Variants in TMPRSS7 observed in about 807,000 individuals in gnomAD.
The protein encoded by TMPRSS7 is transmembrane protease serine 7.
TMPRSS7 carries 81 observed loss-of-function variants against 95.6 expected under a neutral mutation model. The observed-to-expected ratio is 0.85, with a 90% confidence interval of 0.71 to 1.02. TMPRSS7 has a LOEUF of 1.02. TMPRSS7 is among the 50% of genes least tolerant of loss of function. TMPRSS7 has a pLI of 0.00. For missense variants in TMPRSS7, 945 were observed against 955.2 expected, an observed-to-expected ratio of 0.99 and a Z score of 0.14; for synonymous variants, 364 against 337.8, an observed-to-expected ratio of 1.08 and a Z score of -0.85.
chr3:112,037,126 A>T (rs1287600263), intron 1 of TMPRSS7, among the ~76,000 whole-genome samples: 1 of 152,238 alleles, frequency 6.6e-6, no homozygotes, highest in African/African-American at 2.4e-5. Flanking sequence ...GGATAACAGC[A>T]ATGTTCAGGG....
intron 13 of TMPRSS7, among the ~76,000 whole-genome samples, chr3:112,068,107 T>C (rs2073598308): frequency 6.6e-6 from 1 of 152,238 alleles, no homozygotes; most frequent in African/African-American, 2.4e-5. Flanking sequence ...CTTGTTTTTG[T>C]CAGGTTTGTC....
chr3:112,057,030 T>A, exon 10 of TMPRSS7: 2 of 1,601,028 alleles, frequency 1.2e-6, no homozygotes, highest in Middle Eastern at 3.3e-4. Flanking sequence ...CACAGACTTC[T>A]CTATCAACTC....
In TMPRSS7 at chr3:112,047,901, A is replaced by C. The variant is rs759734398; in HGVS notation, c.893A>C (p.Asn298Thr). The change falls in exon 7 of 18, where the codon AAC becomes ACC. Residue 298 changes from asparagine (N) to threonine (T), a missense_variant. Coordinates refer to ENST00000452346, the Ensembl canonical transcript of TMPRSS7. ...AAGTCCATCCAAATCGAAGCCGACA[A>C]CTGTGTCACTGACTCCCTGACCATT... 1.9e-6 allele frequency: 3 copies of C among 1,613,968 alleles called. No homozygotes were observed. The Admixed American group carries it at 5.0e-5, about 27-fold the overall frequency.
chr3:112,075,348 A>G, exon 15 of TMPRSS7: 1 of 1,445,908 alleles, frequency 6.9e-7, no homozygotes, highest in South Asian at 1.6e-5. Context: ...TCCGCCCTTC[A>G]CCGCATCATC....
intron 12 of TMPRSS7, among the ~76,000 whole-genome samples, chr3:112,063,916 A>G (rs980191079): frequency 4.6e-5 from 7 of 152,106 alleles, no homozygotes; most frequent in Admixed American, 2.0e-4. Context: ...TCTACTTTTG[A>G]TGGCTCTTTT....
intron 17 of TMPRSS7, 42 bp downstream of exon 17, chr3:112,078,920 T>C: frequency 6.2e-7 from 1 of 1,602,274 alleles, no homozygotes. Flanking sequence ...TGTTGTGCTT[T>C]CCATAAATGC....
intron 14 of TMPRSS7, 114 bp downstream of exon 14, chr3:112,074,526 A>G (rs1322462049): frequency 1.4e-6 from 1 of 697,120 alleles, no homozygotes; most frequent in Non-Finnish European, 2.4e-6. Context: ...CCATAGCCAA[A>G]ACAAGAATAG....
rs1406202542 is a variant in TMPRSS7 at position 112,034,969 on chromosome 3, T to A, written c.48+76T>A. 5.8e-5 allele frequency: 40 copies of A among 695,568 alleles called. No individual in the cohort carries two copies. In the Admixed American group the frequency reaches 8.1e-4, roughly 14 times the overall value. 43.1% of individuals were successfully genotyped at this position (695,568 alleles called of 1,614,324 possible). On this transcript the variant is annotated intron_variant, in intron 1 of 17. Coordinates refer to ENST00000452346, the Ensembl canonical transcript of TMPRSS7. Reference sequence around the variant, plus strand: ...ACCCTGTTAGTAAAATGAGATTGTATGACCTTATAAACATAAAGGAAACAA... The same window carrying A: ...ACCCTGTTAGTAAAATGAGATTGTAAGACCTTATAAACATAAAGGAAACAA...
At chr3:112,060,974 A>G (rs1317409071) in intron 10 of TMPRSS7, among the ~76,000 whole-genome samples, 1 of 152,324 alleles carries the variant, frequency 6.6e-6, no homozygotes, top group East Asian at 1.9e-4. Flanking sequence ...TTCTTCTGCC[A>G]TGGCTTCAGC....
At position 112,075,544 on chromosome 3, in the gene TMPRSS7, T is replaced by C. The variant is rs7620996; in HGVS notation, c.1955+52T>C. The C allele has an allele frequency of 8.8e-3, 11,598 of 1,317,818 alleles. 403 individuals carry two copies. In the African/African-American group the frequency reaches 0.09, roughly 10 times the overall value. 81.6% of individuals were successfully genotyped at this position (1,317,818 alleles called of 1,614,324 possible). On this transcript the variant is annotated intron_variant, in intron 15 of 17. Transcript: ENST00000452346. ...AGTGGCACTCTGTGGCCATAGACAA[T>C]ATATCTGCCCTCAAATTGTGGGAAG... is the stretch of plus-strand genomic sequence containing the variant.
intron 9 of TMPRSS7, among the ~76,000 whole-genome samples, chr3:112,055,908 G>T (rs58878074): frequency 0.052 from 7,979 of 152,292 alleles, 337 homozygotes; most frequent in African/African-American, 0.11. Context: ...AGTGGGCAAT[G>T]CCGGCTAGGC....
At chr3:112,072,622 C>CCACCCAGTTTGAGCTT (rs2073663798) in intron 13 of TMPRSS7, among the ~76,000 whole-genome samples, 1 of 152,250 alleles carries the variant, frequency 6.6e-6, no homozygotes, top group African/African-American at 2.4e-5. Context: ...GCAGTGGGCT[C>CCACCCAGTTTGAGCTT]CACCCAGTTT....
At chr3:112,073,235 G>A (rs980022705) in intron 13 of TMPRSS7, among the ~76,000 whole-genome samples, 1 of 151,862 alleles carries the variant, frequency 6.6e-6, no homozygotes, top group Non-Finnish European at 1.5e-5. Flanking sequence ...GGGATTACTG[G>A]TGCACACCAC....
intron 1 of TMPRSS7, among the ~76,000 whole-genome samples, chr3:112,037,111 G>T (rs2107734252): frequency 6.6e-6 from 1 of 152,228 alleles, no homozygotes; most frequent in East Asian, 1.9e-4. Context: ...CTTGAAAAAA[G>T]AACAGGATAA....
At chr3:112,037,959 G>A (rs983814412) in intron 1 of TMPRSS7, 113 bp from the exon 2 acceptor site, 14 of 611,686 alleles carry the variant, frequency 2.3e-5, no homozygotes, top group Non-Finnish European at 4.0e-5. Flanking sequence ...AAATATGAAT[G>A]CTTAAATAGT....
intron 17 of TMPRSS7, 56 bp downstream of exon 17, chr3:112,078,934 CT>C: frequency 6.3e-7 from 1 of 1,588,648 alleles, no homozygotes; most frequent in Non-Finnish European, 8.6e-7. Flanking sequence ...TAAATGCTTT[CT>C]CACTTAATCT....
At chr3:112,065,337 T>C (rs377231903) in intron 12 of TMPRSS7, among the ~76,000 whole-genome samples, 1 of 152,352 alleles carries the variant, frequency 6.6e-6, no homozygotes, top group East Asian at 1.9e-4. Context: ...CCACCATGCC[T>C]AGTTTATACC....
intron 13 of TMPRSS7, 22 bp from the exon 14 acceptor site, chr3:112,074,274 T>C: frequency 6.4e-7 from 1 of 1,552,766 alleles, no homozygotes; most frequent in Non-Finnish European, 8.9e-7. Context: ...GGAAAGCTGT[T>C]TCTTCTTTTG....
intron 15 of TMPRSS7, among the ~76,000 whole-genome samples, chr3:112,076,606 GTCCAGGCATT>G (rs1417368996): frequency 8.5e-5 from 13 of 152,152 alleles, no homozygotes; most frequent in African/African-American, 2.9e-4. Context: ...GAAAGAAAAT[GTCCAGGCATT>G]TGCTTAGGAC....
Sources: gnomAD v4.1 joint callset for allele counts (sites outside exome capture counted in the v4.1 genomes callset) on GRCh38, gnomAD v4.1.1 for gene constraint, MANE v1.5 for transcripts, NCBI Gene and HGNC (gene_info 2026-07-23, HGNC 2026-07-21) for gene names.